The following KGD4 variants were observed in gnomAD, a reference collection of about 807,000 sequenced individuals.
KGD4 encodes the protein alpha-ketoglutarate dehydrogenase subunit 4.
At chr5:69,228,112 G>T in the KGD4 span, 2 of 1,001,114 alleles carry the variant, frequency 2.0e-6, no homozygotes, top group South Asian at 4.3e-5. Context: ...TTTCAAGAAT[G>T]ACTTGATTAT....
the KGD4 span, among the ~76,000 whole-genome samples, chr5:69,223,926 G>C: frequency 2.9e-4 from 44 of 151,762 alleles, no homozygotes; most frequent in South Asian, 9.0e-3. Flanking sequence ...CCAGCTACTT[G>C]GGAGGCGGAG....
chr5:69,228,143 A>AC, the KGD4 span: 1 of 1,324,612 alleles, frequency 7.5e-7, no homozygotes, highest in African/African-American at 1.5e-5. Context: ...TTTAAGACTC[A>AC]GTATTTTGAC....
At chr5:69,221,269 AG>A in the KGD4 span, among the ~76,000 whole-genome samples, 1 of 151,950 alleles carries the variant, frequency 6.6e-6, no homozygotes. Context: ...TAGGAGGCTG[AG>A]GTGGAAAGAT....
the KGD4 span, among the ~76,000 whole-genome samples, chr5:69,220,986 A>G: frequency 6.6e-6 from 1 of 152,182 alleles, no homozygotes; most frequent in African/African-American, 2.4e-5. Flanking sequence ...TGAAGGCAGC[A>G]TGCTCGTTAA....
chr5:69,224,644 G>C, the KGD4 span, among the ~76,000 whole-genome samples: 1 of 152,002 alleles, frequency 6.6e-6, no homozygotes, highest in Non-Finnish European at 1.5e-5. Context: ...TGAAATCCTA[G>C]AACTTTGGGA....
At chr5:69,226,795 C>T in the KGD4 span, among the ~76,000 whole-genome samples, 19 of 152,078 alleles carry the variant, frequency 1.2e-4, no homozygotes, top group Middle Eastern at 3.4e-3. Flanking sequence ...TTGCAGTGAG[C>T]TAAGATCATG....
At chr5:69,228,748 C>G in the KGD4 span, among the ~76,000 whole-genome samples, 3 of 152,082 alleles carry the variant, frequency 2.0e-5, no homozygotes, top group African/African-American at 7.2e-5. Flanking sequence ...GGCATGGTGG[C>G]TCATGCCTGT....
chr5:69,223,068 G>A, the KGD4 span, among the ~76,000 whole-genome samples: 1 of 83,906 alleles, frequency 1.2e-5, no homozygotes, highest in African/African-American at 5.3e-5. Flanking sequence ...GAGTCACGGT[G>A]CGCAGCTTTT....
the KGD4 span, chr5:69,226,457 ATGAG>A: frequency 1.7e-6 from 2 of 1,209,998 alleles, no homozygotes; most frequent in Non-Finnish European, 2.4e-6. Flanking sequence ...ATATTTATAA[ATGAG>A]TATTTTATTA....
At chr5:69,225,026 A>G in the KGD4 span, among the ~76,000 whole-genome samples, 1 of 149,536 alleles carries the variant, frequency 6.7e-6, no homozygotes, top group East Asian at 2.0e-4. Context: ...GTGAGCTGAG[A>G]TCGTGCCGCT....
chr5:69,229,258 G>C, the KGD4 span: 2 of 1,591,894 alleles, frequency 1.3e-6, no homozygotes, highest in South Asian at 1.1e-5. Flanking sequence ...TCAGACAATA[G>C]AATTGTCTTT....
chr5:69,228,080 A>T, the KGD4 span: 6 of 733,836 alleles, frequency 8.2e-6, no homozygotes, highest in Admixed American at 7.6e-5. Context: ...ATACTTCAAG[A>T]GTTATTTGAA....
chr5:69,224,925 C>A, the KGD4 span, among the ~76,000 whole-genome samples: 1 of 151,502 alleles, frequency 6.6e-6, no homozygotes, highest in Non-Finnish European at 1.5e-5. Flanking sequence ...GTGAAAAAAA[C>A]TAGCCGGGCG....
chr5:69,221,662 T>C, the KGD4 span, among the ~76,000 whole-genome samples: 12 of 152,022 alleles, frequency 7.9e-5, no homozygotes, highest in Non-Finnish European at 1.8e-4. Context: ...ATAAAACCCT[T>C]AGAATATAAC....
chr5:69,220,761 AAAAG>A, the KGD4 span, among the ~76,000 whole-genome samples: 1 of 152,012 alleles, frequency 6.6e-6, no homozygotes, highest in South Asian at 2.1e-4. Context: ...AAATGTGGGG[AAAAG>A]AAAGAGAGAT....
the KGD4 span, chr5:69,226,267 C>A: frequency 1.9e-6 from 2 of 1,058,388 alleles, no homozygotes; most frequent in Non-Finnish European, 2.9e-6. Context: ...AACGTATCTA[C>A]TTATGAGGTT....
At chr5:69,217,840 G>A in the KGD4 span, 2 of 1,613,984 alleles carry the variant, frequency 1.2e-6, no homozygotes, top group East Asian at 2.2e-5. Flanking sequence ...ATGATGGGCA[G>A]CAAGATGGCG....
chr5:69,223,375 G>A, the KGD4 span, among the ~76,000 whole-genome samples: 10 of 151,952 alleles, frequency 6.6e-5, no homozygotes, highest in African/African-American at 2.4e-4. Flanking sequence ...CACCATGCCC[G>A]GCCGAGAAGT....
the KGD4 span, among the ~76,000 whole-genome samples, chr5:69,224,699 G>C: frequency 3.9e-5 from 6 of 152,090 alleles, no homozygotes; most frequent in African/African-American, 1.4e-4. Context: ...AGGAGGCGGA[G>C]GTTGCGGTAA....
Sources: allele counts gnomAD v4.1 joint callset (sites outside exome capture counted in the v4.1 genomes callset), GRCh38; gene constraint gnomAD v4.1.1; transcripts MANE v1.5; gene names NCBI Gene and HGNC (gene_info 2026-07-23, HGNC 2026-07-21).